The following FMNL1 variants were observed in gnomAD, a reference collection of about 807,000 sequenced individuals.
The protein encoded by FMNL1 is formin like 1.
Under a neutral mutation model 121.3 loss-of-function variants are expected in FMNL1, and 43 were observed. The ratio of observed to expected loss-of-function variants is 0.35; its 90% CI spans 0.28 to 0.46. FMNL1 has a LOEUF of 0.46. Among genes scored for constraint, FMNL1 ranks in the 20% least tolerant of loss-of-function variants. The pLI, the probability that FMNL1 is intolerant of heterozygous loss-of-function variation, is 1.00. For synonymous variants in FMNL1, 613 were observed against 613.5 expected, an observed-to-expected ratio of 1.00 and a Z score of 0.01; for missense variants, 1,191 against 1,482.4, an observed-to-expected ratio of 0.80 and a Z score of 3.23.
chr17:45,243,578 G>A (rs375881440), intron 17 of FMNL1, among the ~76,000 whole-genome samples: 1 of 152,236 alleles, frequency 6.6e-6, no homozygotes, highest in South Asian at 2.1e-4. Context: ...GGCGTCCGCC[G>A]CTGACGTACG....
intron 11 of FMNL1, among the ~76,000 whole-genome samples, chr17:45,239,709 G>T (rs1366229122): frequency 6.6e-6 from 1 of 152,154 alleles, no homozygotes; most frequent in Non-Finnish European, 1.5e-5. Flanking sequence ...CCACAAGAAG[G>T]AATGAAGTAT....
At chr17:45,245,571 G>A (rs1373121950) in intron 22 of FMNL1, 61 bp from the exon 23 acceptor site, 1 of 1,605,648 alleles carries the variant, frequency 6.2e-7, no homozygotes, top group East Asian at 2.2e-5. Flanking sequence ...GGTGGCCAGT[G>A]TCCTGAGGGG....
intron 10 of FMNL1, 115 bp downstream of exon 10, chr17:45,238,753 G>T (rs1336208802): frequency 1.5e-6 from 2 of 1,360,108 alleles, no homozygotes; most frequent in Non-Finnish European, 2.1e-6. Flanking sequence ...CGTAAGGACT[G>T]AGTGGTCAGT....
At chr17:45,243,063 G>A (rs1420061108) in intron 16 of FMNL1, 55 bp from the exon 17 acceptor site, 1 of 1,586,950 alleles carries the variant, frequency 6.3e-7, no homozygotes, top group Non-Finnish European at 8.6e-7. Flanking sequence ...GCTCAGCCAG[G>A]AGAGTGCCAG....
intron 24 of FMNL1, 113 bp downstream of exon 24, chr17:45,246,086 C>G: frequency 6.5e-7 from 1 of 1,526,740 alleles, no homozygotes; most frequent in South Asian, 1.3e-5. Flanking sequence ...GCCCCAGGAG[C>G]CTGGGATGGG....
intron 1 of FMNL1, among the ~76,000 whole-genome samples, chr17:45,225,031 C>A (rs978339902): frequency 6.6e-6 from 1 of 152,248 alleles, no homozygotes; most frequent in Non-Finnish European, 1.5e-5. Flanking sequence ...GCCACACTTA[C>A]ACCTGGGCCT....
rs1218706185 is a variant in FMNL1 at position 45,221,931 on chromosome 17, G to C, written c.-194G>C. The C allele has an allele frequency of 4.0e-5, 14 of 352,944 alleles. No individual in the cohort carries two copies. In the Admixed American group the frequency reaches 6.4e-4, roughly 16 times the overall value. 21.9% of individuals were successfully genotyped at this position (352,944 alleles called of 1,614,324 possible). On this transcript the variant is annotated 5_prime_UTR_variant, in exon 1 of 27. Transcript: ENST00000331495. ...AGCTCGCCGCCCGGTCCCACGGACG[G>C]GGCCGCCCCGATGGGACGCCGCGCT...
In FMNL1 at chr17:45,238,586, T is replaced by C; in HGVS notation, c.917T>C (p.Phe306Ser). 4.3e-6 allele frequency: 7 copies of C among 1,614,196 alleles called. No homozygotes were observed. The highest frequency in any genetic ancestry group is 5.9e-6 in the Non-Finnish European group (7 of 1,180,018). ...FKEVCGEQHRFEKLMEYFRNE... is the reference protein window; with the variant it reads ...FKEVCGEQHRSEKLMEYFRNE... ...CAGGTGTGTGGGGAGCAGCACCGCT[T>C]TGAAAAGCTGATGGAATATTTCCGG... is the stretch of plus-strand genomic sequence containing the variant. The change falls in exon 10 of 27, where the codon TTT becomes TCT. Residue 306 changes from phenylalanine to serine, a missense_variant. Physicochemically the swap from Phe to Ser is radical, Grantham distance 155. Around this residue, in one of 4 missense-constraint regions of FMNL1, gnomAD observed 253 missense variants for 417.5 expected, o/e 0.61. Coordinates refer to ENST00000331495, the MANE Select transcript of FMNL1 (RefSeq NM_005892.4).
At position 45,234,168 on chromosome 17, in the gene FMNL1, C is replaced by G; in HGVS notation, c.582C>G (p.Ser194=). The G allele has an allele frequency of 3.1e-6, 5 of 1,614,124 alleles. No individual in the cohort carries two copies. Among genetic ancestry groups the G allele is most frequent in the Non-Finnish European group, 4.2e-6 (5 of 1,180,020 alleles). Residue 194 remains serine (S), a synonymous_variant, in exon 6 of 27, where the codon TCC becomes TCG. Transcript: ENST00000331495. ...SVEDLSKGPP[S]SVPKSRHLTI... The stretch of plus-strand genomic sequence containing the variant: ...AAGACCTCAGCAAGGGTCCACCCTC[C>G]TCCGTGCCCAAAAGCCGCCACCTGA...
Position 45,247,147 on chromosome 17 carries a change from C to A in FMNL1, c.*289C>A. 1 of 585,608 alleles carries A rather than the reference C, an allele frequency of 1.7e-6. No individual in the cohort carries two copies. The highest frequency in any genetic ancestry group is 3.1e-6 in the Non-Finnish European group (1 of 326,776). 36.3% of individuals were successfully genotyped at this position (585,608 alleles called of 1,614,324 possible). ...AGGGCAGCATCGCCCGCCCCTTCCC[C>A]CAAATGCTGCTTGCAGCACCCACCC... On this transcript the variant is annotated 3_prime_UTR_variant, in exon 27 of 27. Coordinates refer to ENST00000331495, the MANE Select transcript of FMNL1 (RefSeq NM_005892.4).
chr17:45,229,020 GA>G (rs2043385975), intron 1 of FMNL1, among the ~76,000 whole-genome samples: 1 of 151,098 alleles, frequency 6.6e-6, no homozygotes, highest in South Asian at 2.1e-4. Context: ...GACAGAGAAT[GA>G]CCTCGCCTCC....
intron 1 of FMNL1, among the ~76,000 whole-genome samples, chr17:45,224,052 G>A (rs940067629): frequency 2.6e-5 from 4 of 152,156 alleles, no homozygotes; most frequent in Non-Finnish European, 5.9e-5. Context: ...GGGTGTGCTG[G>A]TGGAGAAAGT....
chr17:45,240,651 C>T, intron 12 of FMNL1, 26 bp downstream of exon 12: 1 of 1,606,130 alleles, frequency 6.2e-7, no homozygotes, highest in Admixed American at 1.7e-5. Flanking sequence ...GACCCCAGCC[C>T]AGCACATCAT....
chr17:45,238,017 CTTCA>C (rs2043589962), intron 9 of FMNL1: 2 of 221,464 alleles, frequency 9.0e-6, no homozygotes, highest in Non-Finnish European at 1.8e-5. Flanking sequence ...GACAAGATAT[CTTCA>C]TTCATTCATT....
At position 45,236,223 on chromosome 17, in the gene FMNL1, A is replaced by G. The variant is rs1275702865; in HGVS notation, c.702A>G (p.Leu234=). ...ACGTCCACGTCTGTATTATGTGCCT[A>G]CGCGCCATCATGAACTACCAGGTCA... The part of the protein sequence containing the change: ...KDDVHVCIMC[L]RAIMNYQSGF... Residue 234 remains leucine (L), a synonymous_variant, in exon 7 of 27, where the codon CTA becomes CTG. Coordinates refer to ENST00000331495, the MANE Select transcript of FMNL1 (RefSeq NM_005892.4). The G allele has an allele frequency of 2.5e-6, 4 of 1,613,984 alleles. No individual in the cohort carries two copies. Among genetic ancestry groups the G allele is most frequent in the Non-Finnish European group, 3.4e-6 (4 of 1,179,994 alleles).
intron 1 of FMNL1, among the ~76,000 whole-genome samples, chr17:45,229,633 A>C (rs1032701234): frequency 6.6e-6 from 1 of 152,188 alleles, no homozygotes; most frequent in African/African-American, 2.4e-5. Context: ...AACTGGCCTC[A>C]TCTTTTGGGT....
chr17:45,232,317 C>A, intron 2 of FMNL1, 50 bp from the exon 3 acceptor site: 2 of 1,556,114 alleles, frequency 1.3e-6, no homozygotes, highest in Non-Finnish European at 1.8e-6. Context: ...GGTCATTTGC[C>A]CTGGGGTAGC....
chr17:45,226,537 G>A (rs1598179098), intron 1 of FMNL1, among the ~76,000 whole-genome samples: 1 of 152,198 alleles, frequency 6.6e-6, no homozygotes, highest in South Asian at 2.1e-4. Context: ...GCTTGCCACC[G>A]AGGCCACCCT....
At position 45,231,240 on chromosome 17, in the gene FMNL1, TGCGGTCG is replaced by T. The variant is rs553931364; in HGVS notation, c.213+556_213+562del. ...TCCCCACCCCTCCAGCTTCAAGGGC[TGCGGTCG>T]GCCATGGGCCGACCCTCTCCCAGCG... On this transcript the variant is annotated intron_variant, in intron 2 of 26. Coordinates refer to ENST00000331495, the MANE Select transcript of FMNL1 (RefSeq NM_005892.4). The surrounding 1 kb of genome is among the most constrained non-coding windows in gnomAD (Gnocchi z 4.7). Among the ~76,000 whole-genome samples the T allele has an allele frequency of 2.5e-3, 381 of 152,288 alleles. 2 individuals are homozygous for T. The highest frequency in any genetic ancestry group is 8.3e-3 in the African/African-American group (345 of 41,554).
Sources: allele counts gnomAD v4.1 joint callset (sites outside exome capture counted in the v4.1 genomes callset), GRCh38; gene constraint gnomAD v4.1.1; regional missense constraint gnomAD v4.1.1; non-coding constraint Gnocchi (gnomAD v3.1); transcripts MANE v1.5; gene names NCBI Gene and HGNC (gene_info 2026-07-23, HGNC 2026-07-21).